SRGAP3: variants seen among roughly 807,000 people sequenced by gnomAD.
The protein encoded by SRGAP3 is SLIT-ROBO Rho GTPase activating protein 3, also known as SLIT-ROBO Rho GTPase-activating protein 3.
In SRGAP3, 39 loss-of-function variants were observed where a neutral mutation model predicts 121.1. That is an observed-to-expected ratio of 0.32 (90% CI 0.25 to 0.42). SRGAP3 has a LOEUF of 0.42. SRGAP3 is among the 10% of genes least tolerant of loss of function. The pLI, the probability that SRGAP3 is intolerant of heterozygous loss-of-function variation, is 1.00. For missense variants in SRGAP3, 1,213 were observed against 1,470.6 expected, an observed-to-expected ratio of 0.82 and a Z score of 2.86; for synonymous variants, 601 against 570.0, an observed-to-expected ratio of 1.05 and a Z score of -0.77.
chr3:9,305,470 T>C (rs1474908551), intron 3 of SRGAP3, among the ~76,000 whole-genome samples: 1 of 151,656 alleles, frequency 6.6e-6, no homozygotes, highest in Non-Finnish European at 1.5e-5. Context: ...GCAGGTTTGG[T>C]ACATAGGTAT....
chr3:9,319,277 C>T (rs561311424), intron 3 of SRGAP3, among the ~76,000 whole-genome samples: 2 of 151,806 alleles, frequency 1.3e-5, no homozygotes, highest in African/African-American at 2.4e-5. Flanking sequence ...TTCCTTTGTA[C>T]CTTAGCTTGT....
intron 3 of SRGAP3, chr3:9,257,037 T>C (rs1192625908): frequency 5.1e-6 from 2 of 395,042 alleles, no homozygotes; most frequent in African/African-American, 4.1e-5. Flanking sequence ...AATCTCCATC[T>C]GTCTACATTC....
chr3:9,021,276 C>A (rs924698367), intron 14 of SRGAP3, among the ~76,000 whole-genome samples: 1 of 152,220 alleles, frequency 6.6e-6, no homozygotes, highest in African/African-American at 2.4e-5. Context: ...CTTGGCAAGG[C>A]ACCCCCTCCA....
chr3:9,208,158 G>C (rs760166874), intron 1 of SRGAP3, among the ~76,000 whole-genome samples: 15 of 152,094 alleles, frequency 9.9e-5, no homozygotes, highest in African/African-American at 3.4e-4. Flanking sequence ...CAGTGAATGA[G>C]CAAGAGTATG....
chr3:9,337,694 A>G (rs184847109), intron 1 of SRGAP3: 1 of 152,360 alleles, frequency 6.6e-6, no homozygotes, highest in African/African-American at 2.4e-5. Flanking sequence ...AGTCAAATAA[A>G]TTTCAATTAT....
At chr3:9,028,741 C>G (rs1002480762) in intron 12 of SRGAP3, among the ~76,000 whole-genome samples, 9 of 152,176 alleles carry the variant, frequency 5.9e-5, no homozygotes, top group Non-Finnish European at 1.3e-4. Flanking sequence ...GCCGTACACC[C>G]TAAGTTGCTT....
At chr3:9,161,205 C>T (rs997163529) in intron 1 of SRGAP3, among the ~76,000 whole-genome samples, 10 of 152,208 alleles carry the variant, frequency 6.6e-5, no homozygotes, top group South Asian at 4.1e-4. Flanking sequence ...AACTTTGCAA[C>T]GGAGAAACCT....
At chr3:9,215,281 C>T (rs570156932) in intron 1 of SRGAP3, among the ~76,000 whole-genome samples, 1 of 152,302 alleles carries the variant, frequency 6.6e-6, no homozygotes, top group East Asian at 1.9e-4. Context: ...GAAATCTACG[C>T]TGTTCGGCCT....
intron 5 of SRGAP3, among the ~76,000 whole-genome samples, chr3:9,062,994 C>T (rs1320709391): frequency 6.6e-6 from 1 of 152,058 alleles, no homozygotes; most frequent in African/African-American, 2.4e-5. Context: ...TGTGAAGATT[C>T]CAATTTATCC....
intron 1 of SRGAP3, among the ~76,000 whole-genome samples, chr3:9,133,584 T>C (rs1949538959): frequency 6.6e-6 from 1 of 152,224 alleles, no homozygotes; most frequent in Admixed American, 6.5e-5. Flanking sequence ...CTGTAAGTTT[T>C]TTTTAGCCAG....
chr3:9,289,108 A>G (rs1321366640), intron 3 of SRGAP3, among the ~76,000 whole-genome samples: 1 of 151,806 alleles, frequency 6.6e-6, no homozygotes, highest in African/African-American at 2.4e-5. Context: ...CACGTTGATC[A>G]TGGTAGTCTA....
chr3:9,140,978 G>T (rs934430232), intron 1 of SRGAP3, among the ~76,000 whole-genome samples: 4 of 152,198 alleles, frequency 2.6e-5, no homozygotes, highest in Non-Finnish European at 5.9e-5. Flanking sequence ...GCAAAAATGT[G>T]ATTAGAGACC....
At chr3:9,310,416 A>G (rs1265032700) in intron 3 of SRGAP3, among the ~76,000 whole-genome samples, 1 of 152,108 alleles carries the variant, frequency 6.6e-6, no homozygotes, top group Non-Finnish European at 1.5e-5. Context: ...GCAGAGGTGG[A>G]TCTTGGTTAC....
rs530456826 is a variant in SRGAP3 at position 9,046,727 on chromosome 3, C to T, written c.1408+664G>A. Among the ~76,000 whole-genome samples, 97 of 152,282 alleles carry T rather than the reference C, an allele frequency of 6.4e-4. 1 individual carries two copies. The highest frequency in any genetic ancestry group is 3.4e-3 in the Middle Eastern group (1 of 292). On this transcript the variant is annotated intron_variant, in intron 10 of 21. Transcript: ENST00000383836. ...AAATGTCAGTGCCAGCCTCTGAGGCCCTGGATTCCCACTCCCTACCTGATG... is the reference window on the plus strand; with the variant it reads ...AAATGTCAGTGCCAGCCTCTGAGGCTCTGGATTCCCACTCCCTACCTGATG...
chr3:9,129,823 G>A (rs933972000), intron 1 of SRGAP3, among the ~76,000 whole-genome samples: 10 of 151,042 alleles, frequency 6.6e-5, no homozygotes, highest in Non-Finnish European at 1.3e-4. Flanking sequence ...GTGCAGTGGC[G>A]CCATCTCAAC....
chr3:9,117,632 T>TTCATGGAGCATTTC (rs1948851307), intron 2 of SRGAP3, among the ~76,000 whole-genome samples: 1 of 152,166 alleles, frequency 6.6e-6, no homozygotes, highest in Non-Finnish European at 1.5e-5. Context: ...AGCATTTTCA[T>TTCATGGAGCATTTC]CAGGTACAGC....
intron 12 of SRGAP3, among the ~76,000 whole-genome samples, chr3:9,027,767 G>C (rs558598713): frequency 7.9e-5 from 12 of 152,170 alleles, no homozygotes; most frequent in Non-Finnish European, 1.6e-4. Flanking sequence ...TCCATTATTT[G>C]TTGACCTCTC....
At chr3:9,232,547 A>G (rs1199867249) in intron 1 of SRGAP3, among the ~76,000 whole-genome samples, 3 of 152,046 alleles carry the variant, frequency 2.0e-5, no homozygotes, top group African/African-American at 7.2e-5. Context: ...ACACACATAC[A>G]CACACACACT....
At chr3:9,095,954 C>T (rs1478511539) in intron 3 of SRGAP3, among the ~76,000 whole-genome samples, 1 of 151,970 alleles carries the variant, frequency 6.6e-6, no homozygotes, top group Non-Finnish European at 1.5e-5. Context: ...CTCCTGCAGT[C>T]CCAGCTACTC....
Sources: allele counts gnomAD v4.1 joint callset (sites outside exome capture counted in the v4.1 genomes callset), GRCh38; gene constraint gnomAD v4.1.1; transcripts MANE v1.5; gene names NCBI Gene and HGNC (gene_info 2026-07-23, HGNC 2026-07-21).